The following IRAK2 variants were observed in gnomAD, a reference collection of about 807,000 sequenced individuals.
IRAK2 encodes interleukin-1 receptor-associated kinase-like 2.
In IRAK2, 57 loss-of-function variants were observed where a neutral mutation model predicts 72.0. The observed-to-expected ratio is 0.79, with a 90% CI of 0.64 to 0.99. The LOEUF (loss-of-function observed/expected upper bound fraction) is 0.99, where lower values mean the gene tolerates loss of function less well. Ranked by LOEUF, IRAK2 falls within the 50% of genes least tolerant of loss-of-function variation. The pLI is 0.00. For missense variants in IRAK2, 790 were observed against 794.4 expected (o/e 0.99, Z 0.07); for synonymous variants, 293 against 312.7 (o/e 0.94, Z 0.67).
intron 2 of IRAK2, among the ~76,000 whole-genome samples, chr3:10,192,614 G>C (rs2125148735): frequency 6.6e-6 from 1 of 152,316 alleles, no homozygotes; most frequent in South Asian, 2.1e-4. Flanking sequence ...CCACAGATAT[G>C]GGCAAGAACT....
chr3:10,182,109 A>G (rs9799170), intron 2 of IRAK2, among the ~76,000 whole-genome samples: 53,407 of 150,644 alleles, frequency 0.35, 9,800 homozygotes, highest in Admixed American at 0.45. Context: ...CTGGGACTAC[A>G]GGCACCTGCC....
At chr3:10,197,104 G>A (rs1259788187) in intron 2 of IRAK2, among the ~76,000 whole-genome samples, 3 of 151,958 alleles carry the variant, frequency 2.0e-5, no homozygotes, top group Non-Finnish European at 2.9e-5. Flanking sequence ...CAGGCCAGGC[G>A]CGGTGGCTCA....
intron 2 of IRAK2, among the ~76,000 whole-genome samples, chr3:10,179,453 A>G (rs1166090479): frequency 6.9e-6 from 1 of 144,236 alleles, no homozygotes; most frequent in African/African-American, 2.7e-5. Context: ...TTTTTTTTTT[A>G]TATGAAGTCT....
chr3:10,228,951 G>A (rs892924475), intron 10 of IRAK2, among the ~76,000 whole-genome samples: 1 of 145,276 alleles, frequency 6.9e-6, no homozygotes, highest in Admixed American at 7.1e-5. Context: ...TTTTTTTTTC[G>A]AGACAGAGTC....
At chr3:10,169,595 C>T (rs113348715) in intron 1 of IRAK2, among the ~76,000 whole-genome samples, 11 of 152,292 alleles carry the variant, frequency 7.2e-5, no homozygotes, top group African/African-American at 2.6e-4. Flanking sequence ...GGCAGTCAGA[C>T]CTTATGGTTA....
At chr3:10,203,079 C>T (rs9877905) in intron 3 of IRAK2, among the ~76,000 whole-genome samples, 302 of 152,270 alleles carry the variant, frequency 2.0e-3, no homozygotes, top group African/African-American at 7.0e-3. Context: ...TCATTGCAAC[C>T]TTTGCCTCCC....
intron 2 of IRAK2, among the ~76,000 whole-genome samples, chr3:10,182,156 C>T (rs898612468): frequency 5.9e-5 from 9 of 151,618 alleles, no homozygotes; most frequent in East Asian, 1.9e-4. Context: ...TCAGTAGAGA[C>T]GGGGGTTTCA....
intron 3 of IRAK2, 133 bp from the exon 4 acceptor site, chr3:10,209,456 T>C: frequency 1.9e-6 from 1 of 528,264 alleles, no homozygotes; most frequent in Middle Eastern, 4.2e-4. Flanking sequence ...TGGCACATGG[T>C]GGGTGTCAGG....
intron 1 of IRAK2, among the ~76,000 whole-genome samples, chr3:10,168,854 T>C (rs1476998922): frequency 1.3e-5 from 2 of 152,164 alleles, no homozygotes; most frequent in Non-Finnish European, 2.9e-5. Flanking sequence ...GCCTGGGACG[T>C]TCTTCCCCCT....
At chr3:10,222,971 C>T in intron 9 of IRAK2, 140 bp downstream of exon 9, 1 of 730,554 alleles carries the variant, frequency 1.4e-6, no homozygotes. Context: ...CTGTGGCCCA[C>T]AGGCCACTTT....
chr3:10,172,217 A>T (rs1696804708), intron 1 of IRAK2, among the ~76,000 whole-genome samples: 1 of 151,474 alleles, frequency 6.6e-6, no homozygotes, highest in African/African-American at 2.4e-5. Flanking sequence ...AAAAAAAAAA[A>T]TTAGCCGGGC....
intron 12 of IRAK2, among the ~76,000 whole-genome samples, chr3:10,240,558 C>CCCCCCCCTTCTTTTTTT (rs1274154130): frequency 5.5e-5 from 1 of 18,066 alleles, no homozygotes; most frequent in Non-Finnish European, 8.2e-5. Context: ...CCCCCCCCGC[C>CCCCCCCCTTCTTTTTTT]TTTTTTTTTT....
At chr3:10,222,353 A>G (rs1163046042) in intron 8 of IRAK2, among the ~76,000 whole-genome samples, 8 of 152,128 alleles carry the variant, frequency 5.3e-5, no homozygotes, top group Admixed American at 1.3e-4. Flanking sequence ...GCTGAGGCTG[A>G]TCAGGGTTGG....
intron 3 of IRAK2, among the ~76,000 whole-genome samples, chr3:10,202,014 C>CCTG (rs1697368121): frequency 6.6e-6 from 1 of 152,186 alleles, no homozygotes; most frequent in African/African-American, 2.4e-5. Flanking sequence ...GGTAAGAAAT[C>CCTG]CTGCACCTGA....
chr3:10,211,954 C>T lies in IRAK2; in HGVS notation c.529-1253C>T, dbSNP rs147846596. 5.2e-3 allele frequency among the ~76,000 whole-genome samples: 791 copies of T among 151,886 alleles called. 8 individuals are homozygous for T. The highest frequency in any genetic ancestry group is 0.018 in the African/African-American group (733 of 41,414). ...AATTAGCCGGACAGGGTGGTGGGTG[C>T]CTGTAGTCCCAGCTGCTCGGGAGAC... On this transcript the variant is annotated intron_variant, in intron 4 of 12. Transcript: ENST00000256458.
chr3:10,185,913 A>C (rs2125145994), intron 2 of IRAK2, among the ~76,000 whole-genome samples: 1 of 151,502 alleles, frequency 6.6e-6, no homozygotes, highest in South Asian at 2.1e-4. Flanking sequence ...AATTAGCCAG[A>C]GGTGGCGGTG....
chr3:10,234,486 A>T lies in IRAK2; in HGVS notation c.1300A>T (p.Ser434Cys), dbSNP rs199614498. The part of the protein sequence containing the change: ...LKDLLLSDIP[S>C]STASLCSRKT... ...GGACTTACTCCTCAGTGATATTCCA[A>T]GCAGCACCGCCTCGCTCTGCTCCAG... The change falls in exon 11 of 13, where the codon AGC becomes TGC. Residue 434 changes from serine (S) to cysteine (C), a missense_variant. By Grantham distance (112) the Ser-to-Cys change is moderately radical (BLOSUM62 -1). Coordinates refer to ENST00000256458, the MANE Select transcript of IRAK2 (RefSeq NM_001570.4). 6.3e-4 allele frequency: 1,022 copies of T among 1,614,128 alleles called. 15 individuals are homozygous for T. In the South Asian group the frequency reaches 0.011, roughly 17 times the overall value.
chr3:10,180,739 A>G (rs1367344443), intron 2 of IRAK2, among the ~76,000 whole-genome samples: 2 of 152,082 alleles, frequency 1.3e-5, no homozygotes, highest in Non-Finnish European at 2.9e-5. Context: ...GGGGGCCTAG[A>G]GAGTACCACC....
At chr3:10,214,321 G>A (rs1697569397) in intron 6 of IRAK2, among the ~76,000 whole-genome samples, 1 of 151,732 alleles carries the variant, frequency 6.6e-6, no homozygotes, top group Non-Finnish European at 1.5e-5. Context: ...TTGAACTCAT[G>A]GGCTGGTGAT....
Sources: allele counts gnomAD v4.1 joint callset (sites outside exome capture counted in the v4.1 genomes callset), GRCh38; gene constraint gnomAD v4.1.1; transcripts MANE v1.5; gene names NCBI Gene and HGNC (gene_info 2026-07-23, HGNC 2026-07-21).